The following DPP6 variants were observed in gnomAD, a reference collection of about 807,000 sequenced individuals.
DPP6 encodes the protein A-type potassium channel modulatory protein DPP6.
A neutral mutation model predicts 122.6 loss-of-function variants in DPP6; 69 were observed. The observed-to-expected ratio is 0.56, with a 90% CI of 0.46 to 0.69. The LOEUF (loss-of-function observed/expected upper bound fraction) is 0.69, where lower values mean the gene tolerates loss of function less well. Among genes scored for constraint, DPP6 ranks in the 30% least tolerant of loss-of-function variants. DPP6 has a pLI of 0.00. For synonymous variants in DPP6, 418 were observed against 433.1 expected (o/e 0.97, Z 0.43); for missense variants, 928 against 1,116.9 (o/e 0.83, Z 2.41).
chr7:153,773,291 G>A, the DPP6 span, among the ~76,000 whole-genome samples: 1 of 142,002 alleles, frequency 7.0e-6, no homozygotes, highest in African/African-American at 2.6e-5. Flanking sequence ...GTGTGTGTGT[G>A]TCTGTGTGTG....
At chr7:153,859,897 G>A in the DPP6 span, among the ~76,000 whole-genome samples, 2 of 152,092 alleles carry the variant, frequency 1.3e-5, no homozygotes, top group Non-Finnish European at 2.9e-5. Flanking sequence ...ACAGCGTGGG[G>A]AAAACCACCC....
chr7:154,257,785 G>T (rs1157635085), intron 1 of DPP6, among the ~76,000 whole-genome samples: 1 of 152,176 alleles, frequency 6.6e-6, no homozygotes, highest in East Asian at 1.9e-4. Flanking sequence ...TAAGATAGAA[G>T]GTAATGGTTC....
chr7:154,198,465 C>G (rs531091939), intron 1 of DPP6, among the ~76,000 whole-genome samples: 24 of 152,130 alleles, frequency 1.6e-4, no homozygotes, highest in African/African-American at 5.5e-4. Flanking sequence ...GTGTGTGCCA[C>G]CACACCTGGC....
At chr7:154,384,491 G>A (rs1813904004) in intron 1 of DPP6, among the ~76,000 whole-genome samples, 1 of 152,150 alleles carries the variant, frequency 6.6e-6, no homozygotes, top group African/African-American at 2.4e-5. Flanking sequence ...AGAGAAAGAA[G>A]AGGTGCAGGG....
chr7:154,111,318 A>G (rs1288737765), intron 1 of DPP6, among the ~76,000 whole-genome samples: 1 of 152,206 alleles, frequency 6.6e-6, no homozygotes, highest in Admixed American at 6.5e-5. Context: ...CGGCTTGACC[A>G]CTTAGCTCTG....
At chr7:154,336,163 A>G (rs972601122) in intron 1 of DPP6, among the ~76,000 whole-genome samples, 3 of 152,154 alleles carry the variant, frequency 2.0e-5, no homozygotes, top group Non-Finnish European at 4.4e-5. Context: ...GCAGCGTGGC[A>G]CACAGCACTC....
chr7:154,093,045 A>C (rs1804974930), intron 1 of DPP6: 1 of 151,868 alleles, frequency 6.6e-6, no homozygotes, highest in Non-Finnish European at 1.5e-5. Context: ...CTTACCTTCG[A>C]ACACCACACA....
rs372822336 is a variant in DPP6 at position 154,060,362 on chromosome 7, G to C, written c.243+7299G>C. The stretch of plus-strand genomic sequence containing the variant: ...GCACCCCCCGCGAGGCAGGGACTGA[G>C]AGCCAGCCCCTGGTTCCCCCACTGG... On this transcript the variant is annotated intron_variant, in intron 1 of 25. Transcript: ENST00000377770. 1.5e-3 allele frequency among the ~76,000 whole-genome samples: 167 copies of C among 112,382 alleles called. 3 individuals are homozygous for C. Among genetic ancestry groups the C allele is most frequent in the Middle Eastern group, 5.6e-3 (1 of 178 alleles). 73.7% of individuals were successfully genotyped at this position (112,382 alleles called of 152,430 possible).
At chr7:154,322,900 A>G (rs574594105) in intron 1 of DPP6, among the ~76,000 whole-genome samples, 1 of 152,312 alleles carries the variant, frequency 6.6e-6, no homozygotes, top group African/African-American at 2.4e-5. Context: ...ACCTGGTTTC[A>G]AACGCCATGA....
intron 1 of DPP6, among the ~76,000 whole-genome samples, chr7:153,932,611 A>G (rs1277680674): frequency 6.6e-6 from 1 of 152,216 alleles, no homozygotes; most frequent in Non-Finnish European, 1.5e-5. Context: ...ATTGCATTGA[A>G]GAGGCATTGT....
At position 154,540,595 on chromosome 7, in the gene DPP6, C is replaced by T. The variant is rs1828643490; in HGVS notation, c.521C>T (p.Thr174Ile). 1.2e-6 allele frequency: 2 copies of T among 1,601,988 alleles called. No individual in the cohort carries two copies. Among genetic ancestry groups the T allele is most frequent in the Non-Finnish European group, 1.7e-6 (2 of 1,175,088 alleles). The stretch of plus-strand genomic sequence containing the variant: ...AGACTGTGGAATGTTGAAACAAATA[C>T]TTCTACTGTCTTAATAGAAGGCAAA... Reference protein sequence around the residue: ...TVRLWNVETNTSTVLIEGKKI... With the variant: ...TVRLWNVETNISTVLIEGKKI... The change falls in exon 4 of 26, where the codon ACT becomes ATT. Residue 174 changes from threonine to isoleucine, a missense_variant. By Grantham distance (89) the Thr-to-Ile change is moderately conservative (BLOSUM62 -1). Coordinates refer to ENST00000377770, the MANE Select transcript of DPP6 (RefSeq NM_130797.4).
At chr7:154,202,651 T>C (rs1402064694) in intron 1 of DPP6, among the ~76,000 whole-genome samples, 1 of 152,104 alleles carries the variant, frequency 6.6e-6, no homozygotes, top group Non-Finnish European at 1.5e-5. Flanking sequence ...GCATGTCGGC[T>C]CCTGTGAACC....
intron 3 of DPP6, among the ~76,000 whole-genome samples, chr7:154,505,782 C>A (rs1171576996): frequency 6.6e-6 from 1 of 152,140 alleles, no homozygotes; most frequent in Non-Finnish European, 1.5e-5. Context: ...GATCACCTGG[C>A]TAAAGTCGTA....
At chr7:154,660,622 C>T (rs1216226556) in intron 6 of DPP6, among the ~76,000 whole-genome samples, 3 of 132,242 alleles carry the variant, frequency 2.3e-5, no homozygotes, top group Admixed American at 7.3e-5. Flanking sequence ...GCATATTGGC[C>T]GTAGTGTTCA....
intron 5 of DPP6, among the ~76,000 whole-genome samples, chr7:154,633,487 C>T (rs192143656): frequency 6.6e-6 from 1 of 152,340 alleles, no homozygotes; most frequent in Admixed American, 6.5e-5. Context: ...CCACCCGCCT[C>T]AGCCTCCCAA....
intron 1 of DPP6, among the ~76,000 whole-genome samples, chr7:154,331,491 GC>G (rs773061952): frequency 6.6e-6 from 1 of 152,172 alleles, no homozygotes; most frequent in Non-Finnish European, 1.5e-5. Context: ...TGATTTTGTG[GC>G]CCTTGAATTC....
intron 1 of DPP6, among the ~76,000 whole-genome samples, chr7:154,312,395 A>G (rs958203311): frequency 1.3e-5 from 2 of 152,230 alleles, no homozygotes; most frequent in African/African-American, 2.4e-5. Context: ...CGTTGCTGAT[A>G]TAATGAAGTC....
At chr7:154,221,082 C>T (rs1392088876) in intron 1 of DPP6, among the ~76,000 whole-genome samples, 2 of 152,044 alleles carry the variant, frequency 1.3e-5, no homozygotes, top group Admixed American at 6.6e-5. Flanking sequence ...GCCTCACCCT[C>T]GTTATTTAAT....
intron 2 of DPP6, among the ~76,000 whole-genome samples, chr7:154,467,177 C>T (rs138751491): frequency 6.6e-6 from 1 of 152,226 alleles, no homozygotes; most frequent in East Asian, 1.9e-4. Flanking sequence ...TCAGGTCTGC[C>T]CTCTGGGAGT....
Sources: allele counts gnomAD v4.1 joint callset (sites outside exome capture counted in the v4.1 genomes callset), GRCh38; gene constraint gnomAD v4.1.1; transcripts MANE v1.5; gene names NCBI Gene and HGNC (gene_info 2026-07-23, HGNC 2026-07-21).